The following OAS1 variants were observed in gnomAD, a reference collection of about 807,000 sequenced individuals.
OAS1 encodes the protein 2'-5'-oligoadenylate synthase 1.
Under a neutral mutation model 38.5 loss-of-function variants are expected in OAS1, and 24 were observed. The ratio of observed to expected loss-of-function variants is 0.62; its 90% CI spans 0.45 to 0.88. OAS1 has a LOEUF of 0.88. Ranked by LOEUF, OAS1 falls within the 40% of genes least tolerant of loss-of-function variation. The probability of loss-of-function intolerance (pLI) is 0.00; values close to 1 mark genes in which losing one functional copy is unlikely to be tolerated. For synonymous variants in OAS1, 169 were observed against 193.9 expected (o/e 0.87, Z 1.07); for missense variants, 482 against 493.9 (o/e 0.98, Z 0.23).
At chr12:112,925,074 G>A (rs543330262) in intron 6 of OAS1, among the ~76,000 whole-genome samples, 18 of 152,160 alleles carry the variant, frequency 1.2e-4, no homozygotes, top group Non-Finnish European at 5.9e-5. Context: ...AAGAGTTAAT[G>A]TTTAGCCAAC....
chr12:112,925,478 C>T (rs7972033), intron 6 of OAS1, among the ~76,000 whole-genome samples: 112,795 of 151,784 alleles, frequency 0.74, 43,195 homozygotes, highest in African/African-American at 0.94. Context: ...TCTTATGAGA[C>T]ATCAAGTCAC....
In OAS1 at chr12:112,907,674, C is replaced by T. The variant is rs187076263; in HGVS notation, c.180+455C>T. 5 of 161,676 alleles carry T rather than the reference C, an allele frequency of 3.1e-5. No individual in the cohort carries two copies. The East Asian group carries it at 5.1e-4, about 17-fold the overall frequency. The allele number at this position is 161,676 out of a possible 1,614,324, so 10.0% of individuals were successfully genotyped here. Reference sequence around the variant, plus strand: ...TACTCTGTGTTCCAATTTCCTCAGCCATAATCCCCAATACTGTTGCAGTCT... The same window carrying T: ...TACTCTGTGTTCCAATTTCCTCAGCTATAATCCCCAATACTGTTGCAGTCT... On this transcript the variant is annotated intron_variant, in intron 1 of 5. Coordinates refer to ENST00000202917, the MANE Select transcript of OAS1 (RefSeq NM_016816.4).
chr12:112,917,477 C>T, intron 4 of OAS1, 70 bp from the exon 5 acceptor site: 3 of 1,596,280 alleles, frequency 1.9e-6, no homozygotes, highest in Non-Finnish European at 2.6e-6. Context: ...TTTGCTCTCC[C>T]AGGAGCATCT....
At chr12:112,920,986 T>C (rs4767024), downstream of OAS1, among the ~76,000 whole-genome samples, 114,081 of 151,648 alleles carry the variant, frequency 0.75, 44,124 homozygotes, top group African/African-American at 0.94. Flanking sequence ...TTAATCACTG[T>C]AGCATGGTCT....
intron 2 of OAS1, among the ~76,000 whole-genome samples, chr12:112,910,241 G>T (rs1476311837): frequency 6.6e-6 from 1 of 152,066 alleles, no homozygotes; most frequent in East Asian, 1.9e-4. Context: ...GGTGGTGTGT[G>T]CCTGTAATCA....
chr12:112,919,855 G>A lies in OAS1; in HGVS notation c.*302G>A. 3 of 890,740 alleles carry A rather than the reference G, an allele frequency of 3.4e-6. No individual in the cohort carries two copies. Among genetic ancestry groups the A allele is most frequent in the Non-Finnish European group, 4.9e-6 (3 of 606,098 alleles). 55.2% of individuals were successfully genotyped at this position (890,740 alleles called of 1,614,324 possible). A position where few individuals can be genotyped will look rare whatever the true frequency, so the allele number is the denominator to read the frequency against. Reference sequence around the variant, plus strand: ...CTTTCTTCTGTGCACCTGATGGGAGGGTAATGTCTAATGTATTATCAATAA... The same window carrying A: ...CTTTCTTCTGTGCACCTGATGGGAGAGTAATGTCTAATGTATTATCAATAA... On this transcript the variant is annotated 3_prime_UTR_variant, in exon 6 of 6. Coordinates refer to ENST00000202917, the MANE Select transcript of OAS1 (RefSeq NM_016816.4).
chr12:112,907,268 A>C (rs563149920), intron 1 of OAS1, 49 bp downstream of exon 1: 1 of 1,584,068 alleles, frequency 6.3e-7, no homozygotes, highest in Non-Finnish European at 8.7e-7. Flanking sequence ...AATGTGCAAG[A>C]GTTGAGATTG....
intron 5 of OAS1, 199 bp downstream of exon 5, chr12:112,917,899 G>A (rs2043486163): frequency 6.8e-7 from 1 of 1,461,064 alleles, no homozygotes; most frequent in Admixed American, 2.6e-5. Context: ...CACATCCCTT[G>A]TCCAGAATTC....
intron 6 of OAS1, among the ~76,000 whole-genome samples, chr12:112,926,779 G>A (rs1382286369): frequency 2.0e-5 from 3 of 152,182 alleles, no homozygotes; most frequent in Non-Finnish European, 4.4e-5. Context: ...TCGCCAGGCT[G>A]GAATTTCCTA....
intron 6 of OAS1, among the ~76,000 whole-genome samples, chr12:112,929,046 C>T (rs940921594): frequency 3.9e-5 from 6 of 152,222 alleles, no homozygotes; most frequent in African/African-American, 1.2e-4. Flanking sequence ...TTCTGTACCA[C>T]ACCCAGCTTC....
At chr12:112,919,344 A>G (rs202088225) in intron 5 of OAS1, 45 bp from the exon 6 acceptor site, 153 of 1,538,770 alleles carry the variant, frequency 9.9e-5, no homozygotes, top group Admixed American at 1.6e-4. Flanking sequence ...TCCAGCTGCA[A>G]TGCAGGAAGA....
At chr12:112,931,107 C>A (rs889959773) in intron 6 of OAS1, among the ~76,000 whole-genome samples, 1 of 152,194 alleles carries the variant, frequency 6.6e-6, no homozygotes, top group Admixed American at 6.5e-5. Flanking sequence ...GTCTTCTGTT[C>A]ATGCAGTCTG....
In OAS1 at chr12:112,907,209, A is replaced by G. The variant is rs777080728; in HGVS notation, c.170A>G (p.Lys57Arg). 5.6e-6 allele frequency: 9 copies of G among 1,613,990 alleles called. No homozygotes were observed. The African/African-American group carries it at 1.1e-4, about 19-fold the overall frequency. ...AGCTCCTACCCTGTGTGTGTGTCCA[A>G]GGTGGTAAAGGTGAGTCCAGGCCTG... is the stretch of plus-strand genomic sequence containing the variant. ...RGSSYPVCVS[K>R]VVKGGSSGKG... Residue 57 changes from lysine to arginine, a missense_variant, in exon 1 of 6, where the codon AAG (lysine) becomes AGG (arginine). Lys to Arg is a conservative substitution (Grantham distance 26). Transcript: ENST00000202917.
intron 5 of OAS1, chr12:112,918,157 A>C: frequency 4.9e-6 from 1 of 203,220 alleles, no homozygotes; most frequent in South Asian, 8.5e-5. Context: ...AATAGTGAAC[A>C]GAGTACCCAA....
At chr12:112,913,885 C>T (rs112391899) in intron 3 of OAS1, among the ~76,000 whole-genome samples, 13,323 of 152,232 alleles carry the variant, frequency 0.088, 1,945 homozygotes, top group African/African-American at 0.3. Context: ...TCTGATACCT[C>T]TCCTTTCCTG....
intron 3 of OAS1, among the ~76,000 whole-genome samples, chr12:112,915,767 C>T (rs150312320): frequency 4.6e-3 from 704 of 152,198 alleles, no homozygotes; most frequent in African/African-American, 0.016. Context: ...GATGTGTTTC[C>T]ATTTGTTTGT....
chr12:112,915,749 G>A (rs1170765935), intron 3 of OAS1, among the ~76,000 whole-genome samples: 1 of 152,192 alleles, frequency 6.6e-6, no homozygotes, highest in Non-Finnish European at 1.5e-5. Context: ...ACCCATTCAT[G>A]AGCATGGGAT....
chr12:112,925,239 A>G (rs747532395), intron 6 of OAS1, among the ~76,000 whole-genome samples: 6 of 151,948 alleles, frequency 3.9e-5, no homozygotes, highest in Non-Finnish European at 8.8e-5. Flanking sequence ...GAGGGGGTGA[A>G]TTTTGGTGTA....
At chr12:112,927,369 G>A (rs1319177951) in intron 6 of OAS1, among the ~76,000 whole-genome samples, 2 of 151,976 alleles carry the variant, frequency 1.3e-5, no homozygotes, top group African/African-American at 4.8e-5. Flanking sequence ...CCTGAAATTA[G>A]CATTGATTCT....
Sources: allele counts gnomAD v4.1 joint callset (sites outside exome capture counted in the v4.1 genomes callset), GRCh38; gene constraint gnomAD v4.1.1; transcripts MANE v1.5; gene names NCBI Gene and HGNC (gene_info 2026-07-23, HGNC 2026-07-21).